Variants in ITGA5 observed in about 807,000 individuals in gnomAD.
The protein encoded by ITGA5 is integrin subunit alpha 5.
Under a neutral mutation model 146.3 loss-of-function variants are expected in ITGA5, and 55 were observed. The observed-to-expected ratio is 0.38, with a 90% confidence interval of 0.30 to 0.47. ITGA5 has a LOEUF of 0.47. Ranked by LOEUF, ITGA5 falls within the 20% of genes least tolerant of loss-of-function variation. ITGA5 has a pLI of 0.99. For synonymous variants in ITGA5, 500 were observed against 531.8 expected, an observed-to-expected ratio of 0.94 and a Z score of 0.82; for missense variants, 1,131 against 1,329.0, an observed-to-expected ratio of 0.85 and a Z score of 2.32.
chr12:54,419,132 G>T lies in ITGA5; in HGVS notation c.67C>A (p.Pro23Thr). Residue 23 changes from proline (P) to threonine (T), a missense_variant, in exon 1 of 30, where the codon CCC (proline) becomes ACC (threonine). Coordinates refer to ENST00000293379, the MANE Select transcript of ITGA5 (RefSeq NM_002205.5). Reference protein sequence around the residue: ...VQLRWGPRRRPPLLPLLLLLL... With the variant: ...VQLRWGPRRRTPLLPLLLLLL... ...AGCAACAGCAGCGGCAGCAGCGGGGGTCGGCGCCGGGGGCCCCAGCGCAGC... is the reference window on the plus strand; with the variant it reads ...AGCAACAGCAGCGGCAGCAGCGGGGTTCGGCGCCGGGGGCCCCAGCGCAGC... The T allele has an allele frequency of 1.3e-6, 2 of 1,588,556 alleles. No individual in the cohort carries two copies. The highest frequency in any genetic ancestry group is 1.8e-4 in the Middle Eastern group (1 of 5,426).
chr12:54,418,253 C>T (rs1040648286), intron 1 of ITGA5, among the ~76,000 whole-genome samples: 1 of 152,036 alleles, frequency 6.6e-6, no homozygotes, highest in Non-Finnish European at 1.5e-5. Flanking sequence ...CAGCACCCGC[C>T]CTTGGCTGAG....
chr12:54,400,580 G>A, intron 25 of ITGA5: 1 of 402,328 alleles, frequency 2.5e-6, no homozygotes, highest in Non-Finnish European at 4.5e-6. Context: ...TTTGAAGAAG[G>A]CTTCCTAGAG....
At position 54,409,612 on chromosome 12, in the gene ITGA5, A is replaced by G; in HGVS notation, c.350-15T>C. 1 of 1,570,660 alleles carries G rather than the reference A, an allele frequency of 6.4e-7. No homozygotes were observed. The highest frequency in any genetic ancestry group is 8.7e-7 in the Non-Finnish European group (1 of 1,144,774). Reference sequence around the variant, plus strand: ...GAGCCGAGAGCCTTGTGGAAGTGAGAAGGGGGAGTCTTACTGAGCCATGGA... The same window carrying G: ...GAGCCGAGAGCCTTGTGGAAGTGAGGAGGGGGAGTCTTACTGAGCCATGGA... On this transcript the variant is annotated splice_polypyrimidine_tract_variant and intron_variant, in intron 2 of 29. Transcript: ENST00000293379. The surrounding 1 kb of genome is among the most constrained non-coding windows in gnomAD (Gnocchi z 4.7).
At position 54,395,749 on chromosome 12, in the gene ITGA5, G is replaced by C. The variant is rs1186564019; in HGVS notation, c.*544C>G. 6.4e-6 allele frequency: 1 copy of C among 156,010 alleles called. No homozygotes were observed. Among genetic ancestry groups the C allele is most frequent in the Admixed American group, 6.3e-5 (1 of 15,886 alleles). 9.7% of individuals were successfully genotyped at this position (156,010 alleles called of 1,614,324 possible). A position where few individuals can be genotyped will look rare whatever the true frequency, so the allele number is the denominator to read the frequency against. ...CAGCATCTATCCTTGTGTGGCATCT[G>C]TCCTGAGCTGGTCCTGGGGCACCAT... is the stretch of plus-strand genomic sequence containing the variant. On this transcript the variant is annotated 3_prime_UTR_variant, in exon 30 of 30. Transcript: ENST00000293379.
intron 1 of ITGA5, among the ~76,000 whole-genome samples, chr12:54,414,973 A>AC (rs1206846546): frequency 1.3e-5 from 2 of 150,944 alleles, no homozygotes; most frequent in Admixed American, 1.3e-4. Flanking sequence ...ACATGGCGAA[A>AC]CCCCGTCTCT....
At chr12:54,399,454 T>C (rs765738961) in intron 27 of ITGA5, among the ~76,000 whole-genome samples, 191 bp downstream of exon 27, 2 of 152,148 alleles carry the variant, frequency 1.3e-5, no homozygotes, top group African/African-American at 4.8e-5. Flanking sequence ...AAAGGGAAGC[T>C]GCTGCTCCCA....
chr12:54,407,916 G>A, intron 7 of ITGA5, 40 bp from the exon 8 acceptor site: 1 of 1,555,418 alleles, frequency 6.4e-7, no homozygotes, highest in Non-Finnish European at 8.7e-7. Context: ...TTCCTGCTTT[G>A]AGGACCCCTC....
rs185412473 is a variant in ITGA5, at chr12:54,404,303, A to G, written c.1464-57T>C. 2.7e-5 allele frequency: 43 copies of G among 1,579,058 alleles called. No homozygotes were observed. The East Asian group carries it at 9.0e-4, about 33-fold the overall frequency. On this transcript the variant is annotated intron_variant, in intron 14 of 29. Coordinates refer to ENST00000293379, the MANE Select transcript of ITGA5 (RefSeq NM_002205.5). ...TAGGACTCCTCTGTAACCTGGACAC[A>G]GGAAACTGATGCCCAAGCGCCAGAA... is the stretch of plus-strand genomic sequence containing the variant.
Position 54,404,902 on chromosome 12 carries a change from A to G in ITGA5, c.1226-8T>C, listed in dbSNP as rs748412284. ...GAGCCCCGATGGCCACATCTGGAAG[A>G]CACAGAACACACACTAGTCAGCAGG... is the stretch of plus-strand genomic sequence containing the variant. On this transcript the variant is annotated splice_polypyrimidine_tract_variant and splice_region_variant and intron_variant, in intron 12 of 29. Coordinates refer to ENST00000293379, the MANE Select transcript of ITGA5 (RefSeq NM_002205.5). The G allele has an allele frequency of 5.7e-5, 89 of 1,551,842 alleles. No individual in the cohort carries two copies. The highest frequency in any genetic ancestry group is 7.2e-5 in the Non-Finnish European group (83 of 1,152,822).
At position 54,405,276 on chromosome 12, in the gene ITGA5, G is replaced by A; in HGVS notation, c.1115C>T (p.Pro372Leu). Residue 372 changes from proline to leucine, a missense_variant, in exon 12 of 30, where the codon CCA becomes CTA. By Grantham distance (98) the Pro-to-Leu change is moderately conservative. This residue lies in a region of ITGA5 where 889 missense variants were observed against 1,021.5 expected (regional missense o/e 0.87). Coordinates refer to ENST00000293379, the MANE Select transcript of ITGA5 (RefSeq NM_002205.5). ...VGRVYVYLQH[P>L]AGIEPTPTLT... is the part of the protein sequence containing the mutation. Reference sequence around the variant, plus strand: ...GGTGGGCGTGGGCTCTATGCCGGCTGGGTGCTGCAGGTAGACGTAGACCCT... The same window carrying A: ...GGTGGGCGTGGGCTCTATGCCGGCTAGGTGCTGCAGGTAGACGTAGACCCT... 1 of 1,613,908 alleles carries A rather than the reference G, an allele frequency of 6.2e-7. No individual in the cohort carries two copies. The highest frequency in any genetic ancestry group is 8.5e-7 in the Non-Finnish European group (1 of 1,179,938).
chr12:54,409,360 G>A lies in ITGA5; in HGVS notation c.463-8C>T, dbSNP rs980414175. On this transcript the variant is annotated splice_region_variant and splice_polypyrimidine_tract_variant and intron_variant, in intron 3 of 29. Coordinates refer to ENST00000293379, the MANE Select transcript of ITGA5 (RefSeq NM_002205.5). This position sits in a 1 kb window ranked among gnomAD's most constrained non-coding sequence, Gnocchi z 4.7. ...GTACAGTGGAGCGCATGCCTGGGAGGGCCCAGGAGGAGGGGCCTTCAGATT... is the reference window on the plus strand; with the variant it reads ...GTACAGTGGAGCGCATGCCTGGGAGAGCCCAGGAGGAGGGGCCTTCAGATT... 6 of 1,611,196 alleles carry A rather than the reference G, an allele frequency of 3.7e-6. No individual in the cohort carries two copies. The African/African-American group carries it at 4.0e-5, about 11-fold the overall frequency.
intron 1 of ITGA5, among the ~76,000 whole-genome samples, chr12:54,417,330 GGGA>G (rs1956018964): frequency 6.6e-6 from 1 of 151,946 alleles, no homozygotes; most frequent in South Asian, 2.1e-4. Context: ...TCTGATCTGC[GGGA>G]GGAGACCTCA....
Position 54,409,772 on chromosome 12 carries a change from T to G in ITGA5, c.350-175A>C. 1 of 587,404 alleles carries G rather than the reference T, an allele frequency of 1.7e-6. No homozygotes were observed. Among genetic ancestry groups the G allele is most frequent in the Non-Finnish European group, 3.0e-6 (1 of 328,814 alleles). The allele number at this position is 587,404 out of a possible 1,614,324, so 36.4% of individuals were successfully genotyped here. ...AATTCTGCTTTGTGTAGTCTGTTTG[T>G]GTAGCCTGACTTATCTCTCCACTAC... On this transcript the variant is annotated intron_variant, in intron 2 of 29. Transcript: ENST00000293379. This position sits in a 1 kb window ranked among gnomAD's most constrained non-coding sequence, Gnocchi z 4.7.
intron 27 of ITGA5, among the ~76,000 whole-genome samples, chr12:54,399,089 C>T (rs1469951606): frequency 1.3e-5 from 2 of 152,162 alleles, no homozygotes; most frequent in African/African-American, 2.4e-5. Context: ...TCAAGGGATC[C>T]GCCAACCTTG....
rs1288538150 is a variant in ITGA5 at position 54,401,751 on chromosome 12, C to A, written c.2306+25G>T. The A allele has an allele frequency of 6.2e-7, 1 of 1,613,208 alleles. No individual in the cohort carries two copies. The highest frequency in any genetic ancestry group is 8.5e-7 in the Non-Finnish European group (1 of 1,179,130). On this transcript the variant is annotated intron_variant, in intron 22 of 29. Transcript: ENST00000293379. The surrounding 1 kb of genome is among the most constrained non-coding windows in gnomAD (Gnocchi z 5.0). The stretch of plus-strand genomic sequence containing the variant: ...CTCCCTTCCGTCCCCAGCTCAGCCC[C>A]AGCCTAGACACACTCACTCCCTACC...
intron 1 of ITGA5, among the ~76,000 whole-genome samples, chr12:54,415,135 C>G (rs1344206920): frequency 6.6e-6 from 1 of 151,502 alleles, no homozygotes; most frequent in East Asian, 1.9e-4. Context: ...GCAACAAGAG[C>G]GAAACTCCGT....
rs777974256 is a variant in ITGA5, at chr12:54,405,291, A to G, written c.1100T>C (p.Val367Ala). ...TATGCCGGCTGGGTGCTGCAGGTAG[A>G]CGTAGACCCTGCCCACCTCCTGAGG... Reference protein sequence around the residue: ...GRPQEVGRVYVYLQHPAGIEP... With the variant: ...GRPQEVGRVYAYLQHPAGIEP... The change falls in exon 12 of 30, where the codon GTC becomes GCC. Residue 367 changes from valine (V) to alanine (A), a missense_variant. Physicochemically the swap from Val to Ala is moderately conservative, Grantham distance 64 (BLOSUM62 0). Around this residue, in one of 3 missense-constraint regions of ITGA5, gnomAD observed 889 missense variants for 1,021.5 expected, o/e 0.87. Transcript: ENST00000293379. 6.2e-7 allele frequency: 1 copy of G among 1,613,514 alleles called. No individual in the cohort carries two copies. Among genetic ancestry groups the G allele is most frequent in the Non-Finnish European group, 8.5e-7 (1 of 1,179,882 alleles).
Position 54,407,833 on chromosome 12 carries a change from T to G in ITGA5, c.861A>C (p.Glu287Asp), listed in dbSNP as rs1234258665. 4 of 1,602,234 alleles carry G rather than the reference T, an allele frequency of 2.5e-6. No homozygotes were observed. The highest frequency in any genetic ancestry group is 2.6e-6 in the Non-Finnish European group (3 of 1,173,414). ...GCCCCAGCCTGGGGACACACTCACCTTCTGTGTCATCACCACTGAATTCAC... is the reference window on the plus strand; with the variant it reads ...GCCCCAGCCTGGGGACACACTCACCGTCTGTGTCATCACCACTGAATTCAC... ...AVGEFSGDDT[E>D]DFVAGVPKGN... Residue 287 changes from glutamate (E) to aspartate (D), a missense_variant and splice_region_variant, in exon 8 of 30, where the codon GAA (glutamate) becomes GAC (aspartate). Glu to Asp is a conservative substitution (Grantham distance 45, BLOSUM62 2). This residue lies in a region of ITGA5 where 889 missense variants were observed against 1,021.5 expected (regional missense o/e 0.87). Transcript: ENST00000293379.
At chr12:54,410,193 T>C (rs1339351915) in intron 2 of ITGA5, among the ~76,000 whole-genome samples, 1 of 152,116 alleles carries the variant, frequency 6.6e-6, no homozygotes, top group South Asian at 2.1e-4. Flanking sequence ...CCAAGGTTCC[T>C]GCTTTCTCAC....
Sources: gnomAD v4.1 joint callset for allele counts (sites outside exome capture counted in the v4.1 genomes callset) on GRCh38, gnomAD v4.1.1 for gene constraint, gnomAD v4.1.1 regional missense constraint, Gnocchi (gnomAD v3.1) non-coding constraint, MANE v1.5 for transcripts, NCBI Gene and HGNC (gene_info 2026-07-23, HGNC 2026-07-21) for gene names.